MYO3B: variants seen among roughly 807,000 people sequenced by gnomAD.
MYO3B encodes the protein myosin IIIB, also known as myosin-IIIb.
A neutral mutation model predicts 174.6 loss-of-function variants in MYO3B; 156 were observed. The observed-to-expected ratio is 0.89, with a 90% confidence interval of 0.78 to 1.02. The LOEUF is 1.02. Ranked by LOEUF, MYO3B falls within the 50% of genes least tolerant of loss-of-function variation. The pLI is 0.00. For synonymous variants in MYO3B, 563 were observed against 569.1 expected (o/e 0.99, Z 0.15); for missense variants, 1,632 against 1,639.4 (o/e 1.00, Z 0.08).
intron 7 of MYO3B, among the ~76,000 whole-genome samples, chr2:170,265,246 G>A (rs2093374625): frequency 6.6e-6 from 1 of 152,098 alleles, no homozygotes; most frequent in South Asian, 2.1e-4. Flanking sequence ...TTAAGTCTTG[G>A]CCTTAATTTC....
chr2:170,370,900 CTTTT>C (rs568658992), intron 9 of MYO3B, among the ~76,000 whole-genome samples: 2 of 148,928 alleles, frequency 1.3e-5, no homozygotes, highest in African/African-American at 5.1e-5. Context: ...CTCTCTCTCT[CTTTT>C]TTTTTCTTTT....
chr2:170,367,237 A>T (rs970437748), intron 8 of MYO3B, among the ~76,000 whole-genome samples: 1 of 152,248 alleles, frequency 6.6e-6, no homozygotes, highest in Admixed American at 6.5e-5. Flanking sequence ...CAATTAACAC[A>T]GGAAGAAAGC....
chr2:170,225,811 C>A (rs1218104664), intron 6 of MYO3B, among the ~76,000 whole-genome samples: 5 of 152,122 alleles, frequency 3.3e-5, no homozygotes, highest in Non-Finnish European at 7.4e-5. Flanking sequence ...GAGAAAAAAA[C>A]CTGCCTGAAA....
chr2:170,330,555 A>G (rs12464099), intron 7 of MYO3B, among the ~76,000 whole-genome samples: 77,129 of 152,018 alleles, frequency 0.51, 21,272 homozygotes, highest in East Asian at 0.66. Flanking sequence ...CATGTGAAGC[A>G]CTTGGCATGA....
intron 7 of MYO3B, among the ~76,000 whole-genome samples, chr2:170,238,334 T>G (rs1302266039): frequency 6.6e-6 from 1 of 152,190 alleles, no homozygotes; most frequent in African/African-American, 2.4e-5. Flanking sequence ...TCGATCTCAG[T>G]TCAGTGCCTG....
At chr2:170,607,190 G>A (rs1250263217) in intron 32 of MYO3B, among the ~76,000 whole-genome samples, 1 of 152,096 alleles carries the variant, frequency 6.6e-6, no homozygotes, top group African/African-American at 2.4e-5. Flanking sequence ...TAGATAGTTT[G>A]TTACTACCAA....
chr2:170,630,953 A>T (rs979113456), intron 32 of MYO3B, among the ~76,000 whole-genome samples: 4 of 152,216 alleles, frequency 2.6e-5, no homozygotes, highest in African/African-American at 9.6e-5. Flanking sequence ...ATGGGAAGAT[A>T]CCAGAGTAGA....
chr2:170,432,545 G>T (rs2094717951), intron 22 of MYO3B, among the ~76,000 whole-genome samples: 1 of 151,282 alleles, frequency 6.6e-6, no homozygotes. Context: ...AAAAGTTATG[G>T]TAAGTGGTTA....
intron 32 of MYO3B, among the ~76,000 whole-genome samples, chr2:170,599,788 C>G (rs1372891794): frequency 6.6e-6 from 1 of 152,094 alleles, no homozygotes; most frequent in Non-Finnish European, 1.5e-5. Context: ...GTGTTCAGCT[C>G]AATATTTTAG....
intron 3 of MYO3B, among the ~76,000 whole-genome samples, chr2:170,202,078 T>C (rs2092668077): frequency 6.6e-6 from 1 of 152,058 alleles, no homozygotes; most frequent in Non-Finnish European, 1.5e-5. Context: ...GGAGTGACCC[T>C]CAGACATGGC....
At chr2:170,442,490 A>T (rs1486710119) in intron 22 of MYO3B, among the ~76,000 whole-genome samples, 2 of 125,294 alleles carry the variant, frequency 1.6e-5, no homozygotes, top group Non-Finnish European at 3.2e-5. Context: ...ATTTAGTAGG[A>T]GGTGTTCTTT....
chr2:170,552,224 A>G (rs1220947087), intron 32 of MYO3B, among the ~76,000 whole-genome samples: 1 of 152,230 alleles, frequency 6.6e-6, no homozygotes, highest in Non-Finnish European at 1.5e-5. Flanking sequence ...GGGCAGAGGT[A>G]GGAACAGTTT....
intron 6 of MYO3B, among the ~76,000 whole-genome samples, chr2:170,228,509 G>C (rs2092977472): frequency 6.6e-6 from 1 of 152,130 alleles, no homozygotes; most frequent in African/African-American, 2.4e-5. Context: ...TAGGAGTTCT[G>C]TAGATATTGG....
chr2:170,224,352 G>T (rs2092930468), intron 6 of MYO3B, among the ~76,000 whole-genome samples: 2 of 152,162 alleles, frequency 1.3e-5, no homozygotes, highest in Admixed American at 6.5e-5. Flanking sequence ...AGAGAGCATG[G>T]GAATGCAAGT....
chr2:170,223,692 G>A (rs2092924041), intron 6 of MYO3B, among the ~76,000 whole-genome samples: 1 of 152,144 alleles, frequency 6.6e-6, no homozygotes, highest in Non-Finnish European at 1.5e-5. Context: ...GTTGATTAAT[G>A]GTAATGGCAG....
At chr2:170,623,909 T>A (rs1290292786) in intron 32 of MYO3B, among the ~76,000 whole-genome samples, 1 of 150,612 alleles carries the variant, frequency 6.6e-6, no homozygotes, top group East Asian at 2.0e-4. Flanking sequence ...TTCTGAGGCC[T>A]CTGTTCTGTT....
At chr2:170,485,209 C>T (rs1035354158) in intron 25 of MYO3B, among the ~76,000 whole-genome samples, 4 of 151,998 alleles carry the variant, frequency 2.6e-5, no homozygotes, top group Admixed American at 6.6e-5. Context: ...AATTTTTACC[C>T]AATGTTTGAA....
At chr2:170,178,548 CCACA>C (rs3066877) in intron 1 of MYO3B, among the ~76,000 whole-genome samples, 76,149 of 151,188 alleles carry the variant, frequency 0.5, 19,388 homozygotes, top group African/African-American at 0.54. Flanking sequence ...CAGACACACA[CCACA>C]CACACACACA....
intron 7 of MYO3B, among the ~76,000 whole-genome samples, chr2:170,265,922 A>G (rs1434613971): frequency 1.3e-4 from 20 of 152,198 alleles, no homozygotes; most frequent in Admixed American, 1.3e-3. Context: ...GAAAAAGAAG[A>G]TTAAGCCAAG....
Sources: gnomAD v4.1 joint callset for allele counts (sites outside exome capture counted in the v4.1 genomes callset) on GRCh38, gnomAD v4.1.1 for gene constraint, MANE v1.5 for transcripts, NCBI Gene and HGNC (gene_info 2026-07-23, HGNC 2026-07-21) for gene names.